MACROD2: variants seen among roughly 807,000 people sequenced by gnomAD.
The protein encoded by MACROD2 is mono-ADP ribosylhydrolase 2.
Under a neutral mutation model 70.4 loss-of-function variants are expected in MACROD2, and 36 were observed. The ratio of observed to expected loss-of-function variants is 0.51; its 90% CI spans 0.39 to 0.68. MACROD2 has a LOEUF of 0.68. Ranked by LOEUF, MACROD2 falls within the 30% of genes least tolerant of loss-of-function variation. The pLI is 0.00. For synonymous variants in MACROD2, 172 were observed against 178.8 expected (o/e 0.96, Z 0.30); for missense variants, 496 against 538.4 (o/e 0.92, Z 0.78).
At chr20:16,046,379 C>T (rs1049874753) in intron 17 of MACROD2, among the ~76,000 whole-genome samples, 4 of 151,758 alleles carry the variant, frequency 2.6e-5, no homozygotes, top group African/African-American at 9.7e-5. Flanking sequence ...CCCTGCTAAG[C>T]TGCAGAAATG....
intron 3 of MACROD2, among the ~76,000 whole-genome samples, chr20:14,376,713 G>T (rs1257562074): frequency 1.3e-5 from 2 of 150,908 alleles, no homozygotes; most frequent in Non-Finnish European, 1.5e-5. Context: ...TCATGCCACT[G>T]CACTCCAGCC....
At chr20:15,061,897 C>G (rs1352732200) in intron 5 of MACROD2, among the ~76,000 whole-genome samples, 2 of 152,134 alleles carry the variant, frequency 1.3e-5, no homozygotes, top group Non-Finnish European at 2.9e-5. Flanking sequence ...AGAGGGACTT[C>G]AACAAGACTC....
At chr20:14,343,103 T>C in intron 3 of MACROD2, among the ~76,000 whole-genome samples, 1 of 152,084 alleles carries the variant, frequency 6.6e-6, no homozygotes, top group African/African-American at 2.4e-5. Flanking sequence ...GATCCCTACT[T>C]TCTTCCCTCT....
At chr20:15,624,092 G>T (rs956283999) in intron 8 of MACROD2, among the ~76,000 whole-genome samples, 4 of 152,292 alleles carry the variant, frequency 2.6e-5, no homozygotes, top group African/African-American at 9.6e-5. Context: ...TCAGTCTATG[G>T]CCAAAGGCTC....
intron 3 of MACROD2, among the ~76,000 whole-genome samples, chr20:14,213,016 T>G (rs1008498591): frequency 6.6e-6 from 1 of 151,590 alleles, no homozygotes; most frequent in Admixed American, 6.6e-5. Flanking sequence ...GAGTGTGGGG[T>G]AGTATTTGTG....
At chr20:15,043,982 A>T (rs2075374202) in intron 5 of MACROD2, among the ~76,000 whole-genome samples, 1 of 152,222 alleles carries the variant, frequency 6.6e-6, no homozygotes, top group African/African-American at 2.4e-5. Context: ...GCATGTGCTC[A>T]GCACCCCTGA....
chr20:14,958,647 C>G (rs2074557853), intron 5 of MACROD2, among the ~76,000 whole-genome samples: 1 of 152,188 alleles, frequency 6.6e-6, no homozygotes, highest in South Asian at 2.1e-4. Context: ...GATTCTATCC[C>G]TCAGGTACCC....
intron 3 of MACROD2, among the ~76,000 whole-genome samples, chr20:14,186,787 C>T (rs1478408663): frequency 1.3e-5 from 2 of 152,142 alleles, no homozygotes; most frequent in Non-Finnish European, 2.9e-5. Flanking sequence ...AAGATCATGT[C>T]CTTTGGAGCC....
intron 5 of MACROD2, among the ~76,000 whole-genome samples, chr20:15,046,388 T>C (rs1163780232): frequency 6.6e-6 from 1 of 152,202 alleles, no homozygotes; most frequent in East Asian, 1.9e-4. Flanking sequence ...GCACATGTTC[T>C]TCCATTACCG....
intron 5 of MACROD2, among the ~76,000 whole-genome samples, chr20:15,174,891 G>A (rs1207173927): frequency 6.6e-6 from 1 of 152,060 alleles, no homozygotes. Flanking sequence ...GTTCATTGTA[G>A]ATTCTGGATA....
chr20:14,812,476 G>A (rs1395438408), intron 5 of MACROD2, among the ~76,000 whole-genome samples: 1 of 151,864 alleles, frequency 6.6e-6, no homozygotes, highest in African/African-American at 2.4e-5. Flanking sequence ...TGTAGGTGAC[G>A]GGATGCTAGG....
At chr20:14,689,551 C>T (rs1290855943) in intron 5 of MACROD2, among the ~76,000 whole-genome samples, 4 of 152,188 alleles carry the variant, frequency 2.6e-5, no homozygotes, top group Admixed American at 1.3e-4. Context: ...TTCCACTGAA[C>T]TACTTACAAC....
At chr20:14,261,367 A>T (rs1434208262) in intron 3 of MACROD2, among the ~76,000 whole-genome samples, 20 of 152,192 alleles carry the variant, frequency 1.3e-4, no homozygotes, top group Admixed American at 1.3e-3. Flanking sequence ...CCAAAAATCT[A>T]TCTTTTTTCT....
intron 4 of MACROD2, among the ~76,000 whole-genome samples, chr20:14,500,240 A>T (rs1402271731): frequency 6.6e-6 from 1 of 152,128 alleles, no homozygotes; most frequent in Non-Finnish European, 1.5e-5. Context: ...ATGGAGTGAA[A>T]AGTGTTAGGG....
chr20:15,830,558 C>T (rs541134873), intron 8 of MACROD2, among the ~76,000 whole-genome samples: 59 of 152,268 alleles, frequency 3.9e-4, no homozygotes, highest in African/African-American at 1.2e-3. Context: ...GAATGAGGAG[C>T]GGAAGTACCC....
intron 3 of MACROD2, among the ~76,000 whole-genome samples, chr20:14,363,449 A>T (rs975595707): frequency 5.3e-5 from 8 of 152,188 alleles, no homozygotes; most frequent in African/African-American, 1.9e-4. Flanking sequence ...AGTTATGAAG[A>T]TGAAATGACA....
intron 5 of MACROD2, among the ~76,000 whole-genome samples, chr20:15,059,119 C>G (rs984664659): frequency 4.6e-5 from 7 of 152,176 alleles, no homozygotes; most frequent in African/African-American, 1.7e-4. Flanking sequence ...AATCCTGGGC[C>G]AGACGCAGTG....
intron 12 of MACROD2, among the ~76,000 whole-genome samples, chr20:15,954,960 A>G (rs2065956290): frequency 6.6e-6 from 1 of 152,214 alleles, no homozygotes; most frequent in Non-Finnish European, 1.5e-5. Context: ...GCCTGAGGCC[A>G]CATAACTAGG....
At chr20:14,243,034 T>C (rs541990848) in intron 3 of MACROD2, among the ~76,000 whole-genome samples, 9 of 152,322 alleles carry the variant, frequency 5.9e-5, no homozygotes, top group African/African-American at 2.2e-4. Flanking sequence ...ATACAGTGCA[T>C]TGGCCTTCAC....
Sources: gnomAD v4.1 joint callset for allele counts (sites outside exome capture counted in the v4.1 genomes callset) on GRCh38, gnomAD v4.1.1 for gene constraint, MANE v1.5 for transcripts, NCBI Gene and HGNC (gene_info 2026-07-23, HGNC 2026-07-21) for gene names.